The following MAP2 variants were observed in gnomAD, a reference collection of about 807,000 sequenced individuals.
The protein encoded by MAP2 is microtubule associated protein 2.
MAP2 carries 14 observed loss-of-function variants against 137.6 expected under a neutral mutation model. The observed-to-expected ratio is 0.10, with a 90% CI of 0.07 to 0.16. The LOEUF is 0.16. Ranked by LOEUF, MAP2 falls within the 10% of genes least tolerant of loss-of-function variation. The pLI, the probability that MAP2 is intolerant of heterozygous loss-of-function variation, is 1.00. For synonymous variants in MAP2, 786 were observed against 782.3 expected (o/e 1.00, Z -0.08); for missense variants, 2,088 against 2,191.5 (o/e 0.95, Z 0.94).
chr2:209,695,206 T>G lies in MAP2; in HGVS notation c.3036T>G (p.Ser1012=). 1.2e-6 allele frequency: 2 copies of G among 1,614,142 alleles called. No individual in the cohort carries two copies. Among genetic ancestry groups the G allele is most frequent in the Non-Finnish European group, 1.7e-6 (2 of 1,180,026 alleles). ...TGTCAATACCAACAGATGCATCCTC[T>G]GAGAAAGCAGAGAAGGGTCTTAGTT... The part of the protein sequence containing the change: ...KDLSIPTDAS[S]EKAEKGLSSV... Residue 1012 remains serine, a synonymous_variant, in exon 8 of 16, where the codon TCT becomes TCG. Transcript: ENST00000682079.
intron 1 of MAP2, among the ~76,000 whole-genome samples, chr2:209,497,925 T>A (rs2059943997): frequency 6.6e-6 from 1 of 152,214 alleles, no homozygotes; most frequent in Non-Finnish European, 1.5e-5. Flanking sequence ...ATCCTGCATC[T>A]GGTCCTTTCC....
At chr2:209,712,736 G>GGA (rs2065927637) in intron 13 of MAP2, among the ~76,000 whole-genome samples, 1 of 152,090 alleles carries the variant, frequency 6.6e-6, no homozygotes, top group African/African-American at 2.4e-5. Flanking sequence ...TAGGGAGTGA[G>GGA]GAGAGGTTTT....
chr2:209,469,553 G>T (rs942299159), intron 1 of MAP2, among the ~76,000 whole-genome samples: 2 of 151,806 alleles, frequency 1.3e-5, no homozygotes, highest in African/African-American at 4.8e-5. Flanking sequence ...TCTCCATCTT[G>T]TTAGGAAGAG....
intron 3 of MAP2, among the ~76,000 whole-genome samples, chr2:209,584,811 A>G (rs1408142622): frequency 6.6e-6 from 1 of 152,142 alleles, no homozygotes; most frequent in African/African-American, 2.4e-5. Flanking sequence ...ACAGAGTAGA[A>G]CAATTGCTTG....
chr2:209,653,547 T>G, intron 5 of MAP2, 115 bp downstream of exon 5: 17 of 1,061,598 alleles, frequency 1.6e-5, no homozygotes, highest in Non-Finnish European at 2.1e-5. Flanking sequence ...AGGACTGAAA[T>G]TCCAGTCAGT....
At chr2:209,622,834 A>T (rs951304359) in intron 3 of MAP2, among the ~76,000 whole-genome samples, 3 of 152,098 alleles carry the variant, frequency 2.0e-5, no homozygotes, top group African/African-American at 7.2e-5. Flanking sequence ...TCTATTTTTT[A>T]TAATAAACAA....
chr2:209,450,006 A>G (rs1255417930), intron 1 of MAP2, among the ~76,000 whole-genome samples: 1 of 152,152 alleles, frequency 6.6e-6, no homozygotes, highest in Admixed American at 6.6e-5. Flanking sequence ...CAGTGGCGCA[A>G]TCTCATGTCA....
At chr2:209,633,554 G>A (rs1186199454) in intron 4 of MAP2, among the ~76,000 whole-genome samples, 1 of 152,110 alleles carries the variant, frequency 6.6e-6, no homozygotes, top group Admixed American at 6.6e-5. Context: ...GATTAAAGAG[G>A]TGAAAAGAAA....
chr2:209,668,313 AAAC>A (rs1185505718), intron 5 of MAP2, among the ~76,000 whole-genome samples: 1 of 152,074 alleles, frequency 6.6e-6, no homozygotes, highest in Non-Finnish European at 1.5e-5. Flanking sequence ...TGACATGAAT[AAAC>A]AACATTGAAG....
intron 2 of MAP2, among the ~76,000 whole-genome samples, chr2:209,536,525 A>G (rs1310559146): frequency 1.3e-5 from 2 of 152,130 alleles, no homozygotes. Context: ...CCCTCCACAC[A>G]CCACGCAACT....
At position 209,732,725 on chromosome 2, in the gene MAP2, C is replaced by G. The variant is rs1274251311; in HGVS notation, c.*2328C>G. 6.6e-6 allele frequency: 1 copy of G among 152,566 alleles called. No homozygotes were observed. The highest frequency in any genetic ancestry group is 1.5e-5 in the Non-Finnish European group (1 of 68,026). 9.5% of individuals were successfully genotyped at this position (152,566 alleles called of 1,614,324 possible). Reference sequence around the variant, plus strand: ...TATAAGTTAACACTAGGTAAACATTCTGCATACTAGAAGTCAGTTTATTAC... The same window carrying G: ...TATAAGTTAACACTAGGTAAACATTGTGCATACTAGAAGTCAGTTTATTAC... On this transcript the variant is annotated 3_prime_UTR_variant, in exon 16 of 16. Transcript: ENST00000682079.
chr2:209,490,107 G>A (rs957593172), intron 1 of MAP2, among the ~76,000 whole-genome samples: 5 of 152,172 alleles, frequency 3.3e-5, no homozygotes, highest in Non-Finnish European at 5.9e-5. Context: ...AGCCAGAAGA[G>A]AGCGGGGGAA....
intron 1 of MAP2, among the ~76,000 whole-genome samples, chr2:209,477,198 G>A (rs1386011980): frequency 6.6e-6 from 1 of 152,166 alleles, no homozygotes; most frequent in Non-Finnish European, 1.5e-5. Context: ...AACAATGAAA[G>A]TGATCCATTC....
At chr2:209,620,695 A>G (rs1016190756) in intron 3 of MAP2, among the ~76,000 whole-genome samples, 12 of 152,192 alleles carry the variant, frequency 7.9e-5, no homozygotes, top group African/African-American at 2.9e-4. Flanking sequence ...CTTGAATAAT[A>G]GATATTTTCC....
intron 1 of MAP2, among the ~76,000 whole-genome samples, chr2:209,463,006 C>A (rs1471290519): frequency 2.0e-5 from 3 of 152,032 alleles, no homozygotes; most frequent in African/African-American, 7.3e-5. Context: ...CACGTGCACA[C>A]AAATACGTGC....
intron 2 of MAP2, among the ~76,000 whole-genome samples, chr2:209,511,104 G>T (rs1162909788): frequency 6.6e-6 from 1 of 152,022 alleles, no homozygotes; most frequent in Non-Finnish European, 1.5e-5. Context: ...ATGTCATATT[G>T]TGTGCTAGCT....
intron 2 of MAP2, among the ~76,000 whole-genome samples, chr2:209,578,459 C>T (rs1370507677): frequency 7.3e-5 from 11 of 150,268 alleles, no homozygotes; most frequent in African/African-American, 2.4e-4. Context: ...CTCTCAATTT[C>T]CTTCCCTGTA....
At chr2:209,673,184 A>G (rs3768823) in intron 5 of MAP2, among the ~76,000 whole-genome samples, 35,583 of 151,562 alleles carry the variant, frequency 0.23, 6,926 homozygotes, top group African/African-American at 0.54. Flanking sequence ...TTAACCAATA[A>G]CATTTTTAGA....
In MAP2 at chr2:209,732,517, A is replaced by T. The variant is rs964470274; in HGVS notation, c.*2120A>T. The T allele has an allele frequency of 1.3e-5, 2 of 152,242 alleles. No individual in the cohort carries two copies. Among genetic ancestry groups the T allele is most frequent in the African/African-American group, 4.8e-5 (2 of 41,466 alleles). 9.4% of individuals were successfully genotyped at this position (152,242 alleles called of 1,614,324 possible). On this transcript the variant is annotated 3_prime_UTR_variant, in exon 16 of 16. Coordinates refer to ENST00000682079, the MANE Select transcript of MAP2 (RefSeq NM_001375505.1). ...TTTGACCAATCTGGGCAATTTATTC[A>T]TCAGCTTCCCTTGAAGTGCACCAGA...
Sources: gnomAD v4.1 joint callset for allele counts (sites outside exome capture counted in the v4.1 genomes callset) on GRCh38, gnomAD v4.1.1 for gene constraint, MANE v1.5 for transcripts, NCBI Gene and HGNC (gene_info 2026-07-23, HGNC 2026-07-21) for gene names.